Variants in DDAH1 observed in about 807,000 individuals in gnomAD.
The protein encoded by DDAH1 is dimethylarginine dimethylaminohydrolase 1.
In DDAH1, 19 loss-of-function variants were observed where a neutral mutation model predicts 28.8. The ratio of observed to expected loss-of-function variants is 0.66; its 90% CI spans 0.46 to 0.97. The LOEUF (loss-of-function observed/expected upper bound fraction) is 0.97. Ranked by LOEUF, DDAH1 falls within the 50% of genes least tolerant of loss-of-function variation. DDAH1 has a pLI of 0.00. For synonymous variants in DDAH1, 153 were observed against 154.4 expected, an observed-to-expected ratio of 0.99 and a Z score of 0.07; for missense variants, 326 against 375.9, an observed-to-expected ratio of 0.87 and a Z score of 1.10.
At chr1:85,536,948 C>CATATATATATATAT (rs202209648) in intron 1 of DDAH1, among the ~76,000 whole-genome samples, 2 of 91,824 alleles carry the variant, frequency 2.2e-5, no homozygotes, top group African/African-American at 4.0e-5. Context: ...GAAAATGTGG[C>CATATATATATATAT]ATATATATAT....
At chr1:85,448,550 G>A (rs1012022762) in intron 1 of DDAH1, among the ~76,000 whole-genome samples, 59 of 152,036 alleles carry the variant, frequency 3.9e-4, no homozygotes, top group African/African-American at 1.1e-3. Flanking sequence ...ATAAATGAGC[G>A]GTGTCTTAAT....
At chr1:85,462,644 AC>A (rs1321434676) in intron 1 of DDAH1, among the ~76,000 whole-genome samples, 1 of 152,142 alleles carries the variant, frequency 6.6e-6, no homozygotes, top group Non-Finnish European at 1.5e-5. Flanking sequence ...ATTAACACCT[AC>A]CAAGGCGGTG....
intron 1 of DDAH1, among the ~76,000 whole-genome samples, chr1:85,550,506 G>C (rs937981318): frequency 3.9e-5 from 6 of 152,144 alleles, no homozygotes; most frequent in African/African-American, 1.4e-4. Context: ...CCTTAAAGGG[G>C]AGAATTATTT....
intron 1 of DDAH1, among the ~76,000 whole-genome samples, chr1:85,433,796 T>C (rs1653812464): frequency 6.6e-6 from 1 of 152,216 alleles, no homozygotes; most frequent in East Asian, 1.9e-4. Context: ...TGAAGAGTAA[T>C]ACTAAGGAAA....
At chr1:85,544,864 A>G (rs1332578991) in intron 1 of DDAH1, among the ~76,000 whole-genome samples, 2 of 152,046 alleles carry the variant, frequency 1.3e-5, no homozygotes, top group Non-Finnish European at 2.9e-5. Context: ...TCCCCTTAAA[A>G]TTCCCAAAGG....
At chr1:85,516,767 A>T (rs1234079720) in intron 1 of DDAH1, among the ~76,000 whole-genome samples, 2 of 151,198 alleles carry the variant, frequency 1.3e-5, no homozygotes, top group Non-Finnish European at 2.9e-5. Flanking sequence ...TGGTTCAGGG[A>T]CTTGCTTGGC....
At chr1:85,337,980 CAG>C (rs1194486993) in intron 4 of DDAH1, among the ~76,000 whole-genome samples, 1 of 152,150 alleles carries the variant, frequency 6.6e-6, no homozygotes, top group African/African-American at 2.4e-5. Context: ...GGTTGCTCTC[CAG>C]AGATCTTTCT....
chr1:85,378,371 G>A (rs547849997), intron 1 of DDAH1, among the ~76,000 whole-genome samples: 1 of 152,196 alleles, frequency 6.6e-6, no homozygotes, highest in East Asian at 1.9e-4. Context: ...TAATAGTAAA[G>A]GAGTACCCTC....
Position 85,321,392 on chromosome 1 carries a change from G to T in DDAH1, c.*60C>A. The T allele has an allele frequency of 1.9e-6, 2 of 1,040,772 alleles. No individual in the cohort carries two copies. The highest frequency in any genetic ancestry group is 3.0e-6 in the Non-Finnish European group (2 of 660,736). 64.5% of individuals were successfully genotyped at this position (1,040,772 alleles called of 1,614,324 possible). On this transcript the variant is annotated 3_prime_UTR_variant, in exon 6 of 6. Transcript: ENST00000284031. ...TTGTCAAGGAAAACAACAGGAGTGG[G>T]CACAGAGTCATCGGCCTTGCCTGTG...
chr1:85,351,697 A>G (rs183784252), intron 2 of DDAH1, 118 bp from the exon 3 acceptor site: 12 of 731,066 alleles, frequency 1.6e-5, no homozygotes, highest in Non-Finnish European at 2.8e-5. Flanking sequence ...CACAGAGAAC[A>G]GCTTCACTAA....
intron 4 of DDAH1, among the ~76,000 whole-genome samples, chr1:85,326,505 T>C (rs1281174294): frequency 6.6e-6 from 1 of 152,220 alleles, no homozygotes; most frequent in Non-Finnish European, 1.5e-5. Flanking sequence ...TTAGGTCACA[T>C]AGGTAGATTC....
intron 3 of DDAH1, 55 bp from the exon 4 acceptor site, chr1:85,350,589 T>C (rs1241088525): frequency 1.3e-6 from 2 of 1,573,786 alleles, no homozygotes; most frequent in Non-Finnish European, 1.7e-6. Flanking sequence ...ATTCTAAAAC[T>C]GATTAAAAAC....
intron 1 of DDAH1, among the ~76,000 whole-genome samples, chr1:85,516,049 A>C (rs1429836269): frequency 1.3e-5 from 2 of 151,782 alleles, no homozygotes; most frequent in South Asian, 4.2e-4. Flanking sequence ...GTCCTAATCC[A>C]CTTTTTTTCT....
At chr1:85,498,836 C>T (rs61785167) in intron 1 of DDAH1, among the ~76,000 whole-genome samples, 15,150 of 152,090 alleles carry the variant, frequency 0.1, 1,001 homozygotes, top group Non-Finnish European at 0.15. Context: ...GTAGGAGAAC[C>T]GCTTGAACCC....
At chr1:85,543,211 T>C (rs1658523894) in intron 1 of DDAH1, among the ~76,000 whole-genome samples, 1 of 152,218 alleles carries the variant, frequency 6.6e-6, no homozygotes, top group Non-Finnish European at 1.5e-5. Context: ...TCCTCTCTCA[T>C]CTCAAGAATT....
intron 1 of DDAH1, among the ~76,000 whole-genome samples, chr1:85,424,647 T>A (rs1346649580): frequency 6.6e-6 from 1 of 152,062 alleles, no homozygotes; most frequent in Non-Finnish European, 1.5e-5. Context: ...TTCACAGGGC[T>A]ATATAATTAG....
chr1:85,521,846 G>A (rs1345366230), intron 1 of DDAH1: 5 of 141,824 alleles, frequency 3.5e-5, no homozygotes, highest in East Asian at 2.1e-4. Flanking sequence ...TTATACAAAC[G>A]TCTCCCATTT....
chr1:85,437,973 T>C (rs1654018522), intron 1 of DDAH1, among the ~76,000 whole-genome samples: 1 of 152,186 alleles, frequency 6.6e-6, no homozygotes, highest in Non-Finnish European at 1.5e-5. Context: ...GTGGTACATA[T>C]ACACTATGTA....
intron 1 of DDAH1, among the ~76,000 whole-genome samples, chr1:85,434,342 T>C (rs962547641): frequency 1.3e-5 from 2 of 152,202 alleles, no homozygotes; most frequent in African/African-American, 4.8e-5. Flanking sequence ...TCCATGACTA[T>C]GACATTTCTT....
Sources: gnomAD v4.1 joint callset for allele counts (sites outside exome capture counted in the v4.1 genomes callset) on GRCh38, gnomAD v4.1.1 for gene constraint, MANE v1.5 for transcripts, NCBI Gene and HGNC (gene_info 2026-07-23, HGNC 2026-07-21) for gene names.